Variants in LINGO2 observed in about 807,000 individuals in gnomAD.
LINGO2 encodes the protein leucine-rich repeat and immunoglobulin-like domain-containing nogo receptor-interacting protein 2.
In LINGO2, 14 loss-of-function variants were observed where a neutral mutation model predicts 30.6. The observed-to-expected ratio is 0.46, with a 90% CI of 0.30 to 0.72. The LOEUF is 0.72. LINGO2 is among the 30% of genes least tolerant of loss of function. LINGO2 has a pLI of 0.07. For synonymous variants in LINGO2, 317 were observed against 288.5 expected, an observed-to-expected ratio of 1.10 and a Z score of -1.00; for missense variants, 729 against 751.7, an observed-to-expected ratio of 0.97 and a Z score of 0.35.
intron 5 of LINGO2, among the ~76,000 whole-genome samples, chr9:27,966,041 G>A (rs1016108974): frequency 9.9e-5 from 15 of 151,926 alleles, no homozygotes; most frequent in African/African-American, 2.2e-4. Flanking sequence ...AAATGTGATC[G>A]TGTACATAAA....
chr9:28,680,552 G>A, the LINGO2 span, among the ~76,000 whole-genome samples: 2 of 151,958 alleles, frequency 1.3e-5, no homozygotes, highest in South Asian at 4.1e-4. Flanking sequence ...ATTCCATAAT[G>A]GCTGTGCTAA....
chr9:29,013,139 C>A, the LINGO2 span, among the ~76,000 whole-genome samples: 4 of 152,142 alleles, frequency 2.6e-5, no homozygotes, highest in Admixed American at 2.6e-4. Context: ...TCTCTTAATA[C>A]ATAGAGAGAA....
At chr9:28,646,472 A>T (rs1457138473) in intron 1 of LINGO2, among the ~76,000 whole-genome samples, 1 of 152,104 alleles carries the variant, frequency 6.6e-6, no homozygotes, top group East Asian at 1.9e-4. Flanking sequence ...TTAACGGGCT[A>T]AACTAATTGA....
intron 4 of LINGO2, among the ~76,000 whole-genome samples, chr9:28,294,382 A>G (rs538485699): frequency 1.3e-4 from 20 of 152,202 alleles, no homozygotes; most frequent in Non-Finnish European, 1.9e-4. Flanking sequence ...TTCCGTTTCT[A>G]TACTTGAACT....
At chr9:28,822,556 T>A in the LINGO2 span, among the ~76,000 whole-genome samples, 2 of 145,008 alleles carry the variant, frequency 1.4e-5, no homozygotes, top group Non-Finnish European at 3.1e-5. Context: ...GCGGACACCA[T>A]CTAAGCAGCT....
chr9:28,172,248 G>A (rs1458980542), intron 4 of LINGO2, among the ~76,000 whole-genome samples: 1 of 148,224 alleles, frequency 6.7e-6, no homozygotes, highest in African/African-American at 2.5e-5. Flanking sequence ...AAAATTAGCC[G>A]GGCGTAGTGG....
intron 1 of LINGO2, among the ~76,000 whole-genome samples, chr9:28,654,467 G>A (rs1828246960): frequency 7.5e-6 from 1 of 133,850 alleles, no homozygotes; most frequent in Non-Finnish European, 1.6e-5. Context: ...GTATATGATA[G>A]AACATGAATT....
chr9:28,760,900 AT>A, the LINGO2 span, among the ~76,000 whole-genome samples: 3 of 148,620 alleles, frequency 2.0e-5, no homozygotes, highest in African/African-American at 7.5e-5. Context: ...ATGTGTATAT[AT>A]ATGTATATAC....
At chr9:28,724,891 G>A in the LINGO2 span, among the ~76,000 whole-genome samples, 3 of 152,062 alleles carry the variant, frequency 2.0e-5, no homozygotes, top group African/African-American at 7.2e-5. Flanking sequence ...TTAGATCAAT[G>A]TAAGAATTCA....
chr9:29,087,171 C>A, the LINGO2 span, among the ~76,000 whole-genome samples: 3 of 152,096 alleles, frequency 2.0e-5, no homozygotes, highest in Non-Finnish European at 4.4e-5. Flanking sequence ...GCCACTGCAC[C>A]CGGCCCAAGA....
At chr9:29,020,299 C>G in the LINGO2 span, among the ~76,000 whole-genome samples, 1 of 152,130 alleles carries the variant, frequency 6.6e-6, no homozygotes, top group South Asian at 2.1e-4. Flanking sequence ...CACGATATAC[C>G]ACATAGTACT....
chr9:28,102,376 G>T (rs1826443874), intron 4 of LINGO2, among the ~76,000 whole-genome samples: 1 of 152,148 alleles, frequency 6.6e-6, no homozygotes, highest in South Asian at 2.1e-4. Flanking sequence ...CAGAGAGGGG[G>T]ATCCCTAGCT....
At chr9:28,621,174 A>C (rs1265312539) in intron 1 of LINGO2, among the ~76,000 whole-genome samples, 6 of 152,114 alleles carry the variant, frequency 3.9e-5, no homozygotes, top group Non-Finnish European at 8.8e-5. Flanking sequence ...AAACAATTTT[A>C]AACTATATAA....
the LINGO2 span, among the ~76,000 whole-genome samples, chr9:29,180,174 T>C: frequency 6.6e-6 from 1 of 152,160 alleles, no homozygotes. Flanking sequence ...CTCTTTCACA[T>C]ACATAAACAT....
At chr9:28,372,605 A>C (rs1393284844) in intron 3 of LINGO2, among the ~76,000 whole-genome samples, 1 of 55,090 alleles carries the variant, frequency 1.8e-5, no homozygotes, top group East Asian at 4.6e-4. Flanking sequence ...ACAGCATGGT[A>C]AATCTAACTA....
At chr9:28,396,062 A>G (rs1822027998) in intron 2 of LINGO2, among the ~76,000 whole-genome samples, 1 of 152,196 alleles carries the variant, frequency 6.6e-6, no homozygotes, top group Non-Finnish European at 1.5e-5. Flanking sequence ...TCTGGGTAAC[A>G]GAAAACTCAG....
chr9:28,942,433 A>AAACCAAAT, the LINGO2 span, among the ~76,000 whole-genome samples: 1 of 152,260 alleles, frequency 6.6e-6, no homozygotes, highest in East Asian at 1.9e-4. Context: ...AAATCACCAA[A>AAACCAAAT]AACCAAATAA....
chr9:28,896,011 C>T, the LINGO2 span, among the ~76,000 whole-genome samples: 2 of 152,004 alleles, frequency 1.3e-5, no homozygotes, highest in African/African-American at 4.8e-5. Context: ...TAGTTAATGA[C>T]ATTAAGCGTT....
intron 1 of LINGO2, among the ~76,000 whole-genome samples, chr9:28,527,261 T>C (rs1274196154): frequency 2.0e-5 from 3 of 152,196 alleles, no homozygotes; most frequent in Non-Finnish European, 2.9e-5. Flanking sequence ...CTAATGCTCC[T>C]TAAACTGCCC....
Sources: allele counts gnomAD v4.1 joint callset (sites outside exome capture counted in the v4.1 genomes callset), GRCh38; gene constraint gnomAD v4.1.1; transcripts MANE v1.5; gene names NCBI Gene and HGNC (gene_info 2026-07-23, HGNC 2026-07-21).